The following MED24 variants were observed in gnomAD, a reference collection of about 807,000 sequenced individuals.
The protein encoded by MED24 is mediator of RNA polymerase II transcription subunit 24.
Under a neutral mutation model 118.8 loss-of-function variants are expected in MED24, and 74 were observed. The observed-to-expected ratio is 0.62, with a 90% CI of 0.52 to 0.76. The LOEUF is 0.76. MED24 is among the 30% of genes least tolerant of loss of function. The pLI is 0.00. For synonymous variants in MED24, 521 were observed against 523.9 expected (o/e 0.99, Z 0.08); for missense variants, 1,041 against 1,278.9 (o/e 0.81, Z 2.84).
In MED24 at chr17:40,019,631, C is replaced by T; in HGVS notation, c.2868G>A (p.Val956=). 1 of 1,596,770 alleles carries T rather than the reference C, an allele frequency of 6.3e-7. No individual in the cohort carries two copies. Among genetic ancestry groups the T allele is most frequent in the Non-Finnish European group, 8.6e-7 (1 of 1,168,702 alleles). The change falls in exon 26 of 26, where the codon GTG becomes GTA. Residue 956 remains valine (V), a synonymous_variant. Coordinates refer to ENST00000394128, the MANE Select transcript of MED24 (RefSeq NM_014815.4). ...TGGGGCTGGACATGGCTGACACCTT[C>T]ACCAGTTCCGACACCTGCCACGGAC... ...FMPFTTVSEL[V]KVSAMSSPKV...
In MED24 at chr17:40,052,762, C is replaced by T. The variant is rs190706798; in HGVS notation, c.213+536G>A. Among the ~76,000 whole-genome samples the T allele has an allele frequency of 1.2e-3, 178 of 152,136 alleles. 1 individual carries two copies. The highest frequency in any genetic ancestry group is 4.0e-3 in the African/African-American group (165 of 41,482). On this transcript the variant is annotated intron_variant, in intron 3 of 25. Coordinates refer to ENST00000394128, the MANE Select transcript of MED24 (RefSeq NM_014815.4). ...GGCCACAGGCCTGTGCTACCTGCTA[C>T]CACTCCCAGCAGAATAAGTGAATGT...
intron 3 of MED24, among the ~76,000 whole-genome samples, chr17:40,050,997 G>A (rs754913513): frequency 2.0e-5 from 3 of 152,144 alleles, no homozygotes; most frequent in Non-Finnish European, 4.4e-5. Flanking sequence ...TTAGCCGGGT[G>A]TAATGGCATT....
chr17:40,031,502 T>G, intron 11 of MED24, 36 bp downstream of exon 11: 1 of 1,588,594 alleles, frequency 6.3e-7, no homozygotes, highest in Non-Finnish European at 8.6e-7. Context: ...CCAGAACGCC[T>G]TCCAGTAGGG....
At position 40,035,300 on chromosome 17, in the gene MED24, T is replaced by G. The variant is rs1258967280; in HGVS notation, c.376A>C (p.Ser126Arg). ...CAGCGCAGCAGCCAGTGGAGGGCGCTAAGAAGGGCTCGGCACAGTCCGATG... is the reference window on the plus strand; with the variant it reads ...CAGCGCAGCAGCCAGTGGAGGGCGCGAAGAAGGGCTCGGCACAGTCCGATG... Reference protein sequence around the residue: ...ECIGLCRALLSALHWLLRCTA... With the variant: ...ECIGLCRALLRALHWLLRCTA... The change falls in exon 6 of 26, where the codon AGC (serine) becomes CGC (arginine). Residue 126 changes from serine (S) to arginine (R), a missense_variant. Around this residue, in one of 3 missense-constraint regions of MED24, gnomAD observed 434 missense variants for 514.9 expected, o/e 0.84. Coordinates refer to ENST00000394128, the MANE Select transcript of MED24 (RefSeq NM_014815.4). 6.2e-6 allele frequency: 10 copies of G among 1,611,516 alleles called. No homozygotes were observed. Among genetic ancestry groups the G allele is most frequent in the Non-Finnish European group, 8.5e-6 (10 of 1,177,992 alleles).
chr17:40,027,708 G>A (rs774724899), intron 15 of MED24: 11 of 679,866 alleles, frequency 1.6e-5, no homozygotes, highest in Non-Finnish European at 2.8e-5. Flanking sequence ...GGGGGGGAAG[G>A]AGACACAGGG....
At chr17:40,023,496 C>T (rs949990187) in intron 19 of MED24, 101 bp from the exon 20 acceptor site, 3 of 1,228,070 alleles carry the variant, frequency 2.4e-6, no homozygotes, top group East Asian at 2.4e-5. Context: ...ACTTAGGTTA[C>T]GGAAATCTCC....
chr17:40,031,262 T>C lies in MED24; in HGVS notation c.1068-17A>G. 1.3e-6 allele frequency: 2 copies of C among 1,557,086 alleles called. No homozygotes were observed. The highest frequency in any genetic ancestry group is 1.7e-6 in the Non-Finnish European group (2 of 1,149,130). ...CAGTCACAGCTGTGAGGGAGAAAGA[T>C]GCTGAGGGAACTGGGCACCTGGATA... On this transcript the variant is annotated splice_polypyrimidine_tract_variant and intron_variant, in intron 11 of 25. Transcript: ENST00000394128.
chr17:40,045,505 AGGGGTGAGCTCCATGGC>A (rs1384950512), intron 3 of MED24, among the ~76,000 whole-genome samples: 1 of 150,104 alleles, frequency 6.7e-6, no homozygotes, highest in Non-Finnish European at 1.5e-5. Context: ...GCAGTGGTTT[AGGGGTGAGCTCCATGGC>A]TCACGCCTAT....
Position 40,047,443 on chromosome 17 carries a change from C to T in MED24, c.213+5855G>A, listed in dbSNP as rs957261775. Among the ~76,000 whole-genome samples the T allele has an allele frequency of 2.0e-4, 30 of 151,638 alleles. No homozygotes were observed. In the East Asian group the frequency reaches 2.3e-3, roughly 12 times the overall value. On this transcript the variant is annotated intron_variant, in intron 3 of 25. Coordinates refer to ENST00000394128, the MANE Select transcript of MED24 (RefSeq NM_014815.4). The stretch of plus-strand genomic sequence containing the variant: ...TTGGGAGGCTAAGGCAGGTGGATCA[C>T]GAGGTCAGGAGTTCGAGACCAGCCT...
intron 3 of MED24, among the ~76,000 whole-genome samples, chr17:40,052,863 T>C (rs1017535901): frequency 5.3e-5 from 8 of 152,192 alleles, no homozygotes; most frequent in African/African-American, 1.9e-4. Context: ...TTCAAACAGA[T>C]CAATCTAGAA....
intron 18 of MED24, 69 bp downstream of exon 18, chr17:40,026,578 A>T: frequency 7.0e-7 from 1 of 1,434,190 alleles, no homozygotes; most frequent in Non-Finnish European, 9.6e-7. Context: ...CCCTTACGAA[A>T]TATAACAAGT....
chr17:40,038,134 A>G (rs948219356), intron 3 of MED24, among the ~76,000 whole-genome samples: 2 of 144,820 alleles, frequency 1.4e-5, no homozygotes, highest in Non-Finnish European at 3.1e-5. Context: ...GTATTTCCAA[A>G]ATACATTTTG....
chr17:40,020,159 G>C, intron 24 of MED24, 114 bp downstream of exon 24: 1 of 1,138,150 alleles, frequency 8.8e-7, no homozygotes, highest in Non-Finnish European at 1.2e-6. Context: ...GCATGGAGAG[G>C]GAAGGGAGGG....
At chr17:40,035,985 A>T (rs1442507158) in intron 4 of MED24, 131 bp downstream of exon 4, 9 of 1,183,370 alleles carry the variant, frequency 7.6e-6, no homozygotes, top group Non-Finnish European at 1.1e-5. Flanking sequence ...CTCCCATGGA[A>T]GTCCAGCAAT....
At chr17:40,041,078 T>C (rs1984516589) in intron 3 of MED24, among the ~76,000 whole-genome samples, 1 of 152,188 alleles carries the variant, frequency 6.6e-6, no homozygotes, top group South Asian at 2.1e-4. Flanking sequence ...TCCCTGGCTC[T>C]ACCTGCACAC....
chr17:40,029,668 CTGTT>C, intron 13 of MED24, 76 bp downstream of exon 13: 1 of 1,361,888 alleles, frequency 7.3e-7, no homozygotes, highest in Non-Finnish European at 1.0e-6. Flanking sequence ...TCTGTGGCCT[CTGTT>C]TATTTATCTG....
At position 40,036,138 on chromosome 17, in the gene MED24, G is replaced by A; in HGVS notation, c.230C>T (p.Ser77Phe). 1 of 1,612,302 alleles carries A rather than the reference G, an allele frequency of 6.2e-7. No individual in the cohort carries two copies. The highest frequency in any genetic ancestry group is 8.5e-7 in the Non-Finnish European group (1 of 1,178,274). The change falls in exon 4 of 26, where the codon TCT becomes TTT. Residue 77 changes from serine to phenylalanine, a missense_variant. By Grantham distance (155) the Ser-to-Phe change is radical (BLOSUM62 -2). This residue lies in a region of MED24 where 434 missense variants were observed against 514.9 expected (regional missense o/e 0.84). Transcript: ENST00000394128. ...TACCTTACTGATGGCTGTGAGGACA[G>A]AAGAGTAGGACACCATCTGGAGAGA... Reference protein sequence around the residue: ...AISSQMVSYSSVLTAISKFDD... With the variant: ...AISSQMVSYSFVLTAISKFDD...
At chr17:40,027,163 G>C in intron 16 of MED24, 129 bp from the exon 17 acceptor site, 1 of 1,258,010 alleles carries the variant, frequency 7.9e-7, no homozygotes, top group South Asian at 1.3e-5. Flanking sequence ...GGACGAACTG[G>C]TCTAAGGGAG....
At chr17:40,042,475 C>A (rs912272545) in intron 3 of MED24, among the ~76,000 whole-genome samples, 1 of 152,120 alleles carries the variant, frequency 6.6e-6, no homozygotes, top group Non-Finnish European at 1.5e-5. Context: ...GAGTTCAAGA[C>A]CAGCCTGGCC....
Sources: allele counts gnomAD v4.1 joint callset (sites outside exome capture counted in the v4.1 genomes callset), GRCh38; gene constraint gnomAD v4.1.1; regional missense constraint gnomAD v4.1.1; transcripts MANE v1.5; gene names NCBI Gene and HGNC (gene_info 2026-07-23, HGNC 2026-07-21).